Variants in GALNT17 observed in about 807,000 individuals in gnomAD.
GALNT17 encodes UDP-GalNAc:polypeptide N-acetylgalactosaminyltransferase-like 3.
A neutral mutation model predicts 63.7 loss-of-function variants in GALNT17; 29 were observed. The observed-to-expected ratio is 0.46, with a 90% CI of 0.34 to 0.62. The LOEUF is 0.62. Ranked by LOEUF, GALNT17 falls within the 20% of genes least tolerant of loss-of-function variation. The pLI is 0.01. For synonymous variants in GALNT17, 305 were observed against 318.3 expected (o/e 0.96, Z 0.45); for missense variants, 603 against 799.6 (o/e 0.75, Z 2.97).
chr7:71,175,070 C>T (rs1429029163), intron 1 of GALNT17, among the ~76,000 whole-genome samples: 1 of 152,214 alleles, frequency 6.6e-6, no homozygotes, highest in Non-Finnish European at 1.5e-5. Flanking sequence ...TCTTTCTATT[C>T]TATCTATATC....
chr7:71,354,824 G>C (rs1344578047), intron 2 of GALNT17, among the ~76,000 whole-genome samples: 3 of 152,114 alleles, frequency 2.0e-5, no homozygotes, highest in African/African-American at 7.2e-5. Context: ...ATCTGGGCCT[G>C]ATGTTTTTTA....
chr7:71,145,865 C>T (rs1212539864), intron 1 of GALNT17, among the ~76,000 whole-genome samples: 2 of 152,162 alleles, frequency 1.3e-5, no homozygotes, highest in African/African-American at 4.8e-5. Flanking sequence ...GCCACCACAC[C>T]CCGCTAATTT....
rs371341777 is a variant in GALNT17, at chr7:71,624,931, T to C, written c.1081-40480T>C. ...TCATTAGAGCAATGACATCGTGCCA[T>C]GTGATGTGTCCTCTAGGAAACTCCA... On this transcript the variant is annotated intron_variant, in intron 6 of 10. Coordinates refer to ENST00000333538, the MANE Select transcript of GALNT17 (RefSeq NM_022479.3). Among the ~76,000 whole-genome samples the C allele has an allele frequency of 3.9e-4, 59 of 152,294 alleles. No homozygotes were observed. The East Asian group carries it at 0.011, about 29-fold the overall frequency.
At chr7:71,392,823 TC>T (rs1194810926) in intron 3 of GALNT17, among the ~76,000 whole-genome samples, 1 of 135,230 alleles carries the variant, frequency 7.4e-6, no homozygotes, top group Admixed American at 8.3e-5. Context: ...CTATGTTTTT[TC>T]CCCGGGCCAG....
At chr7:71,516,424 G>A (rs1400134553) in intron 5 of GALNT17, among the ~76,000 whole-genome samples, 2 of 152,146 alleles carry the variant, frequency 1.3e-5, no homozygotes, top group African/African-American at 4.8e-5. Context: ...GTGATGATGG[G>A]ATCAGCAGTA....
At chr7:71,135,808 A>C (rs927819395) in intron 1 of GALNT17, among the ~76,000 whole-genome samples, 2 of 152,132 alleles carry the variant, frequency 1.3e-5, no homozygotes, top group South Asian at 4.2e-4. Context: ...CTTCAGATCA[A>C]CTGGCGTCTG....
chr7:71,287,798 T>A (rs1790901419), intron 1 of GALNT17, among the ~76,000 whole-genome samples: 1 of 152,100 alleles, frequency 6.6e-6, no homozygotes, highest in Non-Finnish European at 1.5e-5. Flanking sequence ...ACGCCTGTAA[T>A]CCCAGCACTT....
At chr7:71,277,357 G>A (rs1011536035) in intron 1 of GALNT17, among the ~76,000 whole-genome samples, 3 of 152,128 alleles carry the variant, frequency 2.0e-5, no homozygotes, top group Non-Finnish European at 4.4e-5. Flanking sequence ...GGAGCGAGGG[G>A]CATGAGGGTA....
intron 8 of GALNT17, among the ~76,000 whole-genome samples, chr7:71,671,516 G>GATGCA (rs1272780193): frequency 6.6e-6 from 1 of 152,182 alleles, no homozygotes; most frequent in Non-Finnish European, 1.5e-5. Flanking sequence ...TTTGGAATGG[G>GATGCA]ATGCTCACAT....
At chr7:71,636,642 C>T (rs568378617) in intron 6 of GALNT17, among the ~76,000 whole-genome samples, 2 of 151,848 alleles carry the variant, frequency 1.3e-5, no homozygotes, top group Non-Finnish European at 2.9e-5. Flanking sequence ...AGGAGTTTTC[C>T]GGGTAGACTT....
chr7:71,157,279 G>C (rs913039218), intron 1 of GALNT17, among the ~76,000 whole-genome samples: 10 of 151,956 alleles, frequency 6.6e-5, no homozygotes, highest in African/African-American at 2.4e-4. Flanking sequence ...TAAGGCTGTT[G>C]TGACGATTAA....
intron 3 of GALNT17, among the ~76,000 whole-genome samples, chr7:71,388,796 G>A (rs1401415972): frequency 1.3e-5 from 2 of 152,080 alleles, no homozygotes; most frequent in African/African-American, 4.8e-5. Flanking sequence ...CAAAGTGCTG[G>A]GATTACAGGA....
At chr7:71,368,922 G>T (rs59093477) in intron 2 of GALNT17, among the ~76,000 whole-genome samples, 1,680 of 80,564 alleles carry the variant, frequency 0.021, 39 homozygotes, top group African/African-American at 0.086. Context: ...CCTCGGGGGT[G>T]GGGGGGGGTG....
chr7:71,206,828 G>C (rs955196827), intron 1 of GALNT17, among the ~76,000 whole-genome samples: 13 of 152,196 alleles, frequency 8.5e-5, no homozygotes, highest in Admixed American at 8.5e-4. Context: ...TCAGTAGGCC[G>C]GGCGTGGTGG....
At chr7:71,581,599 C>T (rs146002694) in intron 6 of GALNT17, among the ~76,000 whole-genome samples, 1,568 of 152,232 alleles carry the variant, frequency 0.01, 36 homozygotes, top group African/African-American at 0.035. Flanking sequence ...TTACAATTCA[C>T]GATGGGATTT....
chr7:71,170,901 G>A (rs189888161), intron 1 of GALNT17, among the ~76,000 whole-genome samples: 5 of 145,032 alleles, frequency 3.4e-5, no homozygotes, highest in African/African-American at 1.4e-4. Flanking sequence ...TAAATAACCT[G>A]TGCTGTTTAG....
intron 3 of GALNT17, among the ~76,000 whole-genome samples, chr7:71,395,635 T>C (rs969998280): frequency 1.3e-5 from 2 of 152,252 alleles, no homozygotes; most frequent in Non-Finnish European, 2.9e-5. Flanking sequence ...GTGATAATTC[T>C]GTGGTTAACT....
At chr7:71,161,446 C>T (rs985457725) in intron 1 of GALNT17, among the ~76,000 whole-genome samples, 9 of 151,988 alleles carry the variant, frequency 5.9e-5, no homozygotes, top group Non-Finnish European at 7.4e-5. Context: ...TTTAATGTCG[C>T]GAAGGAATTA....
At chr7:71,165,570 T>G (rs1451926444) in intron 1 of GALNT17, among the ~76,000 whole-genome samples, 1 of 152,156 alleles carries the variant, frequency 6.6e-6, no homozygotes, top group African/African-American at 2.4e-5. Context: ...CGGAAAGATC[T>G]GCCCCCATGA....
Sources: gnomAD v4.1 joint callset for allele counts (sites outside exome capture counted in the v4.1 genomes callset) on GRCh38, gnomAD v4.1.1 for gene constraint, MANE v1.5 for transcripts, NCBI Gene and HGNC (gene_info 2026-07-23, HGNC 2026-07-21) for gene names.